Variants in RCAN2 observed in about 807,000 individuals in gnomAD.
RCAN2 encodes the protein regulator of calcineurin 2.
Under a neutral mutation model 23.6 loss-of-function variants are expected in RCAN2, and 9 were observed. That is an observed-to-expected ratio of 0.38 (90% CI 0.23 to 0.67). The LOEUF is 0.67. RCAN2 is among the 30% of genes least tolerant of loss of function. The pLI is 0.51. For missense variants in RCAN2, 273 were observed against 302.3 expected, an observed-to-expected ratio of 0.90 and a Z score of 0.72; for synonymous variants, 109 against 115.7, an observed-to-expected ratio of 0.94 and a Z score of 0.37.
At chr6:46,340,112 C>G (rs770394639) in intron 2 of RCAN2, among the ~76,000 whole-genome samples, 3 of 152,138 alleles carry the variant, frequency 2.0e-5, no homozygotes, top group African/African-American at 4.8e-5. Context: ...ATAAGCTAAT[C>G]ACATCTTTGC....
chr6:46,306,549 G>T (rs1019822138), intron 2 of RCAN2, among the ~76,000 whole-genome samples: 2 of 152,104 alleles, frequency 1.3e-5, no homozygotes, highest in African/African-American at 4.8e-5. Context: ...ATCACATATT[G>T]AAAGTCAGCT....
At chr6:46,251,665 T>C in intron 2 of RCAN2, among the ~76,000 whole-genome samples, 1 of 152,156 alleles carries the variant, frequency 6.6e-6, no homozygotes, top group South Asian at 2.1e-4. Context: ...TCAGAGCAGT[T>C]TGGCCTCAAG....
chr6:46,484,925 G>C (rs1768957313), intron 1 of RCAN2, among the ~76,000 whole-genome samples: 2 of 152,066 alleles, frequency 1.3e-5, no homozygotes, highest in Non-Finnish European at 2.9e-5. Flanking sequence ...TCACCAAAAA[G>C]AGTGCTTACA....
chr6:46,426,091 G>T (rs1311205292), intron 2 of RCAN2, among the ~76,000 whole-genome samples: 1 of 151,296 alleles, frequency 6.6e-6, no homozygotes, highest in African/African-American at 2.4e-5. Flanking sequence ...TAAAGACAGG[G>T]TTTCACCATG....
At chr6:46,286,805 C>T (rs1336059650) in intron 2 of RCAN2, among the ~76,000 whole-genome samples, 2 of 151,846 alleles carry the variant, frequency 1.3e-5, no homozygotes, top group African/African-American at 4.8e-5. Flanking sequence ...GAGTTTGAGA[C>T]GAACCTGACC....
intron 2 of RCAN2, among the ~76,000 whole-genome samples, chr6:46,419,021 G>T (rs1252577273): frequency 1.3e-5 from 2 of 151,792 alleles, no homozygotes; most frequent in African/African-American, 2.4e-5. Flanking sequence ...GCAAAAAAAA[G>T]CCCAAAAGAA....
At chr6:46,309,590 C>T (rs147615534) in intron 2 of RCAN2, among the ~76,000 whole-genome samples, 212 of 152,210 alleles carry the variant, frequency 1.4e-3, no homozygotes, top group Non-Finnish European at 2.7e-3. Flanking sequence ...TCAAGGTCAT[C>T]CATAGAATGA....
intron 2 of RCAN2, among the ~76,000 whole-genome samples, chr6:46,354,521 C>T (rs1258505638): frequency 6.6e-6 from 1 of 152,134 alleles, no homozygotes; most frequent in Admixed American, 6.5e-5. Flanking sequence ...TCTGTATTGC[C>T]TTTGCAACTT....
intron 2 of RCAN2, among the ~76,000 whole-genome samples, chr6:46,342,883 G>A (rs998550969): frequency 2.0e-5 from 3 of 152,022 alleles, no homozygotes; most frequent in African/African-American, 7.2e-5. Flanking sequence ...ACTTTATCTA[G>A]ACTAGATTTA....
intron 2 of RCAN2, among the ~76,000 whole-genome samples, chr6:46,254,377 G>A (rs1702073745): frequency 6.6e-6 from 1 of 152,132 alleles, no homozygotes; most frequent in Non-Finnish European, 1.5e-5. Flanking sequence ...CTTCAAGGAA[G>A]TGTGATAATA....
At chr6:46,338,265 A>G (rs970040049) in intron 2 of RCAN2, among the ~76,000 whole-genome samples, 1 of 152,134 alleles carries the variant, frequency 6.6e-6, no homozygotes, top group Non-Finnish European at 1.5e-5. Context: ...TGATACAGAA[A>G]CCAGTGTAGC....
At chr6:46,386,401 C>T (rs1368829473) in intron 2 of RCAN2, among the ~76,000 whole-genome samples, 9 of 150,262 alleles carry the variant, frequency 6.0e-5, no homozygotes, top group Non-Finnish European at 1.5e-5. Context: ...GAGTTTGAGA[C>T]AAGCCTGGCC....
At chr6:46,248,987 T>C (rs1383076069) in intron 2 of RCAN2, 91 bp from the exon 3 acceptor site, 19 of 866,008 alleles carry the variant, frequency 2.2e-5, no homozygotes, top group East Asian at 8.2e-5. Flanking sequence ...ACTAAATAAA[T>C]AGGCTGTTAA....
rs1389269777 is a variant in RCAN2, at chr6:46,222,252, C to T, written c.*889G>A. The T allele has an allele frequency of 2.9e-6, 1 of 342,260 alleles. No individual in the cohort carries two copies. Among genetic ancestry groups the T allele is most frequent in the Admixed American group, 4.8e-5 (1 of 21,008 alleles). The allele number at this position is 342,260 out of a possible 1,614,324, so 21.2% of individuals were successfully genotyped here. On this transcript the variant is annotated 3_prime_UTR_variant, in exon 5 of 5. Transcript: ENST00000371374. Reference sequence around the variant, plus strand: ...TGTTTTGAAGCAGCTAATTGTCGAACAATCACTAAATAAAAAACATCCAGA... The same window carrying T: ...TGTTTTGAAGCAGCTAATTGTCGAATAATCACTAAATAAAAAACATCCAGA...
chr6:46,382,774 C>T (rs188774255), intron 2 of RCAN2, among the ~76,000 whole-genome samples: 2 of 152,230 alleles, frequency 1.3e-5, no homozygotes, highest in South Asian at 2.1e-4. Context: ...GAAAAGAATA[C>T]CCGCATATGG....
At chr6:46,230,719 G>T (rs1260517420) in intron 4 of RCAN2, among the ~76,000 whole-genome samples, 2 of 152,196 alleles carry the variant, frequency 1.3e-5, no homozygotes, top group African/African-American at 4.8e-5. Context: ...AACCCCTAGT[G>T]CTTCCTGGGT....
At chr6:46,479,556 C>G (rs1490490373) in intron 1 of RCAN2, among the ~76,000 whole-genome samples, 1 of 150,368 alleles carries the variant, frequency 6.7e-6, no homozygotes, top group Non-Finnish European at 1.5e-5. Flanking sequence ...GCTCCCACTA[C>G]CTGCCGTGCA....
intron 2 of RCAN2, among the ~76,000 whole-genome samples, chr6:46,345,964 T>C (rs1384518369): frequency 2.6e-5 from 4 of 152,152 alleles, no homozygotes; most frequent in African/African-American, 4.8e-5. Flanking sequence ...CCTAATATGG[T>C]AAATATAAAT....
Position 46,406,929 on chromosome 6 carries a change from C to T in RCAN2, c.225+49823G>A, listed in dbSNP as rs149998241. Among the ~76,000 whole-genome samples the T allele has an allele frequency of 3.4e-3, 513 of 152,270 alleles. 3 individuals carry two copies. The highest frequency in any genetic ancestry group is 5.5e-3 in the Non-Finnish European group (374 of 68,026). On this transcript the variant is annotated intron_variant, in intron 2 of 4. Transcript: ENST00000371374. ...ACTGGGTACACAATTATGTGCTGGG[C>T]GATTCAGTAACAAATACCCCCAAAC...
Sources: gnomAD v4.1 joint callset for allele counts (sites outside exome capture counted in the v4.1 genomes callset) on GRCh38, gnomAD v4.1.1 for gene constraint, MANE v1.5 for transcripts, NCBI Gene and HGNC (gene_info 2026-07-23, HGNC 2026-07-21) for gene names.